WWOX: variants seen among roughly 807,000 people sequenced by gnomAD.
WWOX encodes WW domain-containing oxidoreductase.
WWOX carries 69 observed loss-of-function variants against 46.2 expected under a neutral mutation model. The observed-to-expected ratio is 1.49, with a 90% confidence interval of 1.23 to 1.82. The LOEUF (loss-of-function observed/expected upper bound fraction) is 1.82, where lower values mean the gene tolerates loss of function less well. Ranked by LOEUF, WWOX falls within the 40% of genes most tolerant of loss-of-function variation. The probability of loss-of-function intolerance (pLI) is 0.00; values close to 1 mark genes in which losing one functional copy is unlikely to be tolerated. For missense variants in WWOX, 919 were observed against 542.6 expected (o/e 1.69, Z -6.89); for synonymous variants, 359 against 202.6 (o/e 1.77, Z -6.56).
rs183041107 is a variant in WWOX, at chr16:78,879,244, A to G, written c.1057-332364A>G. Among the ~76,000 whole-genome samples, 164 of 152,298 alleles carry G rather than the reference A, an allele frequency of 1.1e-3. 2 individuals carry two copies. Among genetic ancestry groups the G allele is most frequent in the African/African-American group, 3.8e-3 (156 of 41,576 alleles). ...AAAGAGCTGGTTGGGCATGCCGGGCAGGCTTTTGTGACAATGTAAGAGCAA... is the reference window on the plus strand; with the variant it reads ...AAAGAGCTGGTTGGGCATGCCGGGCGGGCTTTTGTGACAATGTAAGAGCAA... On this transcript the variant is annotated intron_variant, in intron 8 of 8. Transcript: ENST00000566780.
At chr16:78,113,227 G>C (rs2032594909) in intron 3 of WWOX, among the ~76,000 whole-genome samples, 1 of 152,146 alleles carries the variant, frequency 6.6e-6, no homozygotes, top group African/African-American at 2.4e-5. Flanking sequence ...TCAGCACTGG[G>C]GTGGGGCTTG....
At chr16:78,567,552 C>G (rs1467688186) in intron 8 of WWOX, among the ~76,000 whole-genome samples, 4 of 52,132 alleles carry the variant, frequency 7.7e-5, no homozygotes, top group African/African-American at 3.0e-4. Flanking sequence ...GACTCCGTCT[C>G]AAAAAAAAAA....
intron 8 of WWOX, among the ~76,000 whole-genome samples, chr16:79,161,331 T>C (rs572772068): frequency 2.6e-5 from 4 of 152,126 alleles, no homozygotes; most frequent in African/African-American, 7.2e-5. Context: ...AGGATGGACG[T>C]CATTGTACTC....
At chr16:78,285,688 T>G (rs1173260512) in intron 5 of WWOX, among the ~76,000 whole-genome samples, 1 of 152,196 alleles carries the variant, frequency 6.6e-6, no homozygotes, top group Non-Finnish European at 1.5e-5. Context: ...CTTGGTTTTA[T>G]GGAGGGATCT....
chr16:79,173,899 T>C (rs1041715890), intron 8 of WWOX, among the ~76,000 whole-genome samples: 3 of 152,212 alleles, frequency 2.0e-5, no homozygotes, highest in African/African-American at 4.8e-5. Context: ...ATTATCTACA[T>C]AGATACTTTT....
chr16:78,494,559 C>T (rs2084863949), intron 8 of WWOX, among the ~76,000 whole-genome samples: 1 of 152,164 alleles, frequency 6.6e-6, no homozygotes, highest in Non-Finnish European at 1.5e-5. Context: ...CTGTTTTTGG[C>T]AGGCAACATT....
At chr16:79,086,847 C>T (rs939015699) in intron 8 of WWOX, among the ~76,000 whole-genome samples, 6 of 152,162 alleles carry the variant, frequency 3.9e-5, no homozygotes, top group South Asian at 2.1e-4. Flanking sequence ...TGTGCCACTG[C>T]GCTCCAGCCT....
At chr16:79,076,455 T>C (rs2048658236) in intron 8 of WWOX, among the ~76,000 whole-genome samples, 1 of 152,220 alleles carries the variant, frequency 6.6e-6, no homozygotes, top group Non-Finnish European at 1.5e-5. Context: ...GTAGTATCTT[T>C]TTCACAGCAT....
At chr16:78,195,081 C>T (rs1001154489) in intron 5 of WWOX, among the ~76,000 whole-genome samples, 1 of 152,200 alleles carries the variant, frequency 6.6e-6, no homozygotes, top group East Asian at 1.9e-4. Flanking sequence ...TTCCCTGCTA[C>T]ACCCTCTGAG....
chr16:78,101,863 C>A (rs999428937), intron 1 of WWOX, among the ~76,000 whole-genome samples: 3 of 152,158 alleles, frequency 2.0e-5, no homozygotes, highest in African/African-American at 7.2e-5. Context: ...ATCCTTAGGA[C>A]CCAATCTTAT....
intron 8 of WWOX, among the ~76,000 whole-genome samples, chr16:78,708,829 T>C (rs982776495): frequency 6.6e-6 from 1 of 152,194 alleles, no homozygotes; most frequent in African/African-American, 2.4e-5. Context: ...AAAAAAATTA[T>C]TTTTCACAGC....
rs1489528231 is a variant in WWOX, at chr16:78,339,530, T to A, written c.517-47330T>A. On this transcript the variant is annotated intron_variant, in intron 5 of 8. Coordinates refer to ENST00000566780, the MANE Select transcript of WWOX (RefSeq NM_016373.4). ...TTTACCTGTACCCGGAGTTGGAACT[T>A]CTCTTCCACATCTTTTCCTGTATTG... is the stretch of plus-strand genomic sequence containing the variant. Among the ~76,000 whole-genome samples the A allele has an allele frequency of 1.7e-5, 2 of 119,984 alleles. 1 individual carries two copies. Among genetic ancestry groups the A allele is most frequent in the African/African-American group, 5.6e-5 (2 of 35,418 alleles). 78.7% of individuals were successfully genotyped at this position (119,984 alleles called of 152,430 possible). A position where few individuals can be genotyped will look rare whatever the true frequency, so the allele number is the denominator to read the frequency against.
chr16:79,029,272 A>G (rs1447254078), intron 8 of WWOX, among the ~76,000 whole-genome samples: 2 of 152,162 alleles, frequency 1.3e-5, no homozygotes, highest in African/African-American at 4.8e-5. Context: ...TCACGCGGAA[A>G]CTGGATGTTT....
chr16:78,128,548 C>A (rs1213924511), intron 4 of WWOX, among the ~76,000 whole-genome samples: 1 of 152,180 alleles, frequency 6.6e-6, no homozygotes, highest in East Asian at 1.9e-4. Context: ...GCTCACAGTG[C>A]AGCACGAATT....
rs1294389244 is a variant in WWOX, at chr16:78,422,888, TA to T, written c.606-1981del. ...ACACACACACACACACACACACATA[TA>T]TTTTTTTTTTCTTTTAGATGGAGTG... On this transcript the variant is annotated intron_variant, in intron 6 of 8. Transcript: ENST00000566780. Among the ~76,000 whole-genome samples the T allele has an allele frequency of 2.2e-3, 303 of 140,500 alleles. 31 individuals carry two copies. Among genetic ancestry groups the T allele is most frequent in the African/African-American group, 8.0e-3 (279 of 34,718 alleles). 92.2% of individuals were successfully genotyped at this position (140,500 alleles called of 152,430 possible). A position where few individuals can be genotyped will look rare whatever the true frequency, so the allele number is the denominator to read the frequency against.
At chr16:78,730,929 G>T (rs566950783) in intron 8 of WWOX, among the ~76,000 whole-genome samples, 1 of 152,038 alleles carries the variant, frequency 6.6e-6, no homozygotes, top group African/African-American at 2.4e-5. Context: ...AGATCACTTT[G>T]TTTGTTCCCC....
chr16:78,262,097 C>CAAAAAA (rs752161345), intron 5 of WWOX, among the ~76,000 whole-genome samples: 2,508 of 62,376 alleles, frequency 0.04, 110 homozygotes, highest in East Asian at 0.11. Flanking sequence ...GAAACTCTGT[C>CAAAAAA]AAAAAAAAAA....
At chr16:78,920,945 T>C (rs961385181) in intron 8 of WWOX, among the ~76,000 whole-genome samples, 2 of 152,222 alleles carry the variant, frequency 1.3e-5, no homozygotes, top group African/African-American at 2.4e-5. Context: ...ACACATAATA[T>C]GTGGTACTTT....
At chr16:78,516,878 G>C (rs1035279828) in intron 8 of WWOX, among the ~76,000 whole-genome samples, 2 of 152,138 alleles carry the variant, frequency 1.3e-5, no homozygotes, top group African/African-American at 4.8e-5. Flanking sequence ...CTGCAGTTGA[G>C]AACTGTAAGA....
Sources: allele counts gnomAD v4.1 joint callset (sites outside exome capture counted in the v4.1 genomes callset), GRCh38; gene constraint gnomAD v4.1.1; transcripts MANE v1.5; gene names NCBI Gene and HGNC (gene_info 2026-07-23, HGNC 2026-07-21).